The following ASPH variants were observed in gnomAD, a reference collection of about 807,000 sequenced individuals.
ASPH encodes the protein aspartyl/asparaginyl beta-hydroxylase.
In ASPH, 100 loss-of-function variants were observed where a neutral mutation model predicts 118.4. The observed-to-expected ratio is 0.84, with a 90% CI of 0.72 to 1.00. The LOEUF is 1.00. ASPH is among the 50% of genes least tolerant of loss of function. ASPH has a pLI of 0.00. For synonymous variants in ASPH, 315 were observed against 325.6 expected (o/e 0.97, Z 0.35); for missense variants, 920 against 919.5 (o/e 1.00, Z -0.01).
At chr8:61,599,866 CA>C (rs1227454516) in intron 14 of ASPH, among the ~76,000 whole-genome samples, 34 of 152,000 alleles carry the variant, frequency 2.2e-4, no homozygotes, top group Non-Finnish European at 1.9e-4. Flanking sequence ...CAAACTATTC[CA>C]AAAAATTGAA....
At position 61,501,399 on chromosome 8, in the gene ASPH, A is replaced by ATAT. The variant is rs1804909191; in HGVS notation, c.*1957_*1959dup. ...CTGTAGTGACCTGATTTTAAATACC[A>ATAT]TATTATATTTACTAAGTTAAGAGCT... On this transcript the variant is annotated 3_prime_UTR_variant, in exon 25 of 25. Transcript: ENST00000379454. 6.6e-6 allele frequency: 1 copy of ATAT among 152,180 alleles called. No individual in the cohort carries two copies. Among genetic ancestry groups the ATAT allele is most frequent in the African/African-American group, 2.4e-5 (1 of 41,452 alleles). 9.4% of individuals were successfully genotyped at this position (152,180 alleles called of 1,614,324 possible). A position where few individuals can be genotyped will look rare whatever the true frequency, so the allele number is the denominator to read the frequency against.
At chr8:61,620,965 C>T (rs1161819137) in intron 13 of ASPH, among the ~76,000 whole-genome samples, 1 of 152,188 alleles carries the variant, frequency 6.6e-6, no homozygotes, top group African/African-American at 2.4e-5. Context: ...GGTGCTGATC[C>T]CGATGTGGGA....
rs568716531 is a variant in ASPH, at chr8:61,695,501, GCACCATCACATACAACCCCCA to G, written c.104-11334_104-11314del. Among the ~76,000 whole-genome samples, 3 of 152,196 alleles carry G rather than the reference GCACCATCACATACAACCCCCA, an allele frequency of 2.0e-5. No homozygotes were observed. In the East Asian group the frequency reaches 5.8e-4, roughly 30 times the overall value. On this transcript the variant is annotated intron_variant, in intron 1 of 24. Transcript: ENST00000379454. The stretch of plus-strand genomic sequence containing the variant: ...TTTTCCCTTTTCCCATGTCAAAGCT[GCACCATCACATACAACCCCCA>G]CACCCCAGCTATTGCCAGCTCACTC...
chr8:61,670,976 C>T (rs1822199723), intron 3 of ASPH, among the ~76,000 whole-genome samples: 1 of 152,042 alleles, frequency 6.6e-6, no homozygotes, highest in Non-Finnish European at 1.5e-5. Context: ...ACAAGGGAAA[C>T]TGTTGGAGCA....
rs1317649228 is a variant in ASPH, at chr8:61,555,975, G to T, written c.1485C>A (p.Gly495=). Residue 495 remains glycine (G), a synonymous_variant, in exon 19 of 25, where the codon GGC becomes GGA. Coordinates refer to ENST00000379454, the MANE Select transcript of ASPH (RefSeq NM_004318.4). Reference sequence around the variant, plus strand: ...TTTTGTTCTGTGCCTTCAGGATGAAGCCATAATGGACTTTAGCAAAGCCAT... The same window carrying T: ...TTTTGTTCTGTGCCTTCAGGATGAATCCATAATGGACTTTAGCAAAGCCAT... ...PNDGFAKVHY[G]FILKAQNKIA... 3.1e-6 allele frequency: 5 copies of T among 1,613,928 alleles called. No homozygotes were observed. In the East Asian group the frequency reaches 1.1e-4, roughly 36 times the overall value.
chr8:61,646,463 C>G (rs547397546), intron 6 of ASPH, among the ~76,000 whole-genome samples: 3 of 152,230 alleles, frequency 2.0e-5, no homozygotes, highest in Non-Finnish European at 4.4e-5. Flanking sequence ...TTTTATTTAA[C>G]AAATAGCACC....
intron 14 of ASPH, among the ~76,000 whole-genome samples, chr8:61,613,538 G>A (rs1398317469): frequency 6.6e-6 from 1 of 152,108 alleles, no homozygotes; most frequent in African/African-American, 2.4e-5. Context: ...AAATTAAAAG[G>A]AAAATTCAAA....
At chr8:61,654,707 AC>A (rs1812761230) in intron 3 of ASPH, among the ~76,000 whole-genome samples, 1 of 152,196 alleles carries the variant, frequency 6.6e-6, no homozygotes, top group Admixed American at 6.5e-5. Context: ...AGAAACAGAG[AC>A]AGATACACAG....
chr8:61,649,067 T>G (rs1339071817), intron 5 of ASPH, among the ~76,000 whole-genome samples: 8 of 152,100 alleles, frequency 5.3e-5, no homozygotes, highest in African/African-American at 1.9e-4. Flanking sequence ...CACAACTGGC[T>G]GGGCCACATT....
chr8:61,565,985 T>C (rs1378279760), intron 17 of ASPH, among the ~76,000 whole-genome samples: 2 of 152,184 alleles, frequency 1.3e-5, no homozygotes, highest in Non-Finnish European at 2.9e-5. Flanking sequence ...AAGCCCACTG[T>C]TGAGTCCTTA....
intron 1 of ASPH, among the ~76,000 whole-genome samples, chr8:61,708,265 G>GC (rs1471506817): frequency 6.6e-6 from 1 of 152,156 alleles, no homozygotes; most frequent in Non-Finnish European, 1.5e-5. Flanking sequence ...CTAGCTCTCT[G>GC]CCAAAAAGCA....
At position 61,697,851 on chromosome 8, in the gene ASPH, C is replaced by T. The variant is rs760474324; in HGVS notation, c.104-13663G>A. On this transcript the variant is annotated intron_variant, in intron 1 of 24. Coordinates refer to ENST00000379454, the MANE Select transcript of ASPH (RefSeq NM_004318.4). ...TTTCCCGGGCTGGAGTGCAGTAGTG[C>T]AATCAGAGTTCACTGTAGCCTTGAA... Among the ~76,000 whole-genome samples, 6 of 152,178 alleles carry T rather than the reference C, an allele frequency of 3.9e-5. No homozygotes were observed. The South Asian group carries it at 1.0e-3, about 26-fold the overall frequency.
intron 14 of ASPH, chr8:61,607,184 C>T (rs1845835302): frequency 3.0e-6 from 2 of 669,698 alleles, no homozygotes; most frequent in Admixed American, 4.7e-5. Flanking sequence ...AATGCATCAT[C>T]CTTCTTAGCT....
chr8:61,602,351 AT>A (rs755898132), intron 14 of ASPH, among the ~76,000 whole-genome samples: 13 of 151,616 alleles, frequency 8.6e-5, no homozygotes, highest in Non-Finnish European at 1.3e-4. Context: ...AATGAAAAAA[AT>A]ATGATCATTT....
rs112844828 is a variant in ASPH, at chr8:61,676,008, G to T, written c.322+4960C>A. 7 of 1,578,648 alleles carry T rather than the reference G, an allele frequency of 4.4e-6. No homozygotes were observed. In the African/African-American group the frequency reaches 6.8e-5, roughly 15 times the overall value. The stretch of plus-strand genomic sequence containing the variant: ...CACATTAAGCCCTGCATAAGCCAAG[G>T]AAAGAAAAGAAAAAGGAGGCTGCTT... On this transcript the variant is annotated intron_variant, in intron 3 of 24. Transcript: ENST00000379454.
intron 1 of ASPH, among the ~76,000 whole-genome samples, chr8:61,691,714 A>C (rs1415458286): frequency 6.6e-6 from 1 of 152,164 alleles, no homozygotes; most frequent in Non-Finnish European, 1.5e-5. Context: ...ATTTGGGGGA[A>C]GTCATCAAAC....
intron 1 of ASPH, among the ~76,000 whole-genome samples, chr8:61,697,199 A>G (rs2151835917): frequency 6.6e-6 from 1 of 152,374 alleles, no homozygotes; most frequent in Admixed American, 6.5e-5. Flanking sequence ...GTAGAAAACC[A>G]TAGGTCAAAA....
intron 1 of ASPH, among the ~76,000 whole-genome samples, chr8:61,697,373 G>C (rs1834164426): frequency 6.6e-6 from 1 of 152,212 alleles, no homozygotes; most frequent in South Asian, 2.1e-4. Flanking sequence ...TCACCAGCAA[G>C]TAAGCAATCA....
chr8:61,677,419 G>A (rs889659246), intron 3 of ASPH, among the ~76,000 whole-genome samples: 2 of 152,024 alleles, frequency 1.3e-5, no homozygotes, highest in Admixed American at 1.3e-4. Context: ...GAGCTTTTCT[G>A]GTTGGAACCA....
Sources: allele counts gnomAD v4.1 joint callset (sites outside exome capture counted in the v4.1 genomes callset), GRCh38; gene constraint gnomAD v4.1.1; transcripts MANE v1.5; gene names NCBI Gene and HGNC (gene_info 2026-07-23, HGNC 2026-07-21).